NDUFAF6: variants seen among roughly 807,000 people sequenced by gnomAD.
NDUFAF6 encodes NADH:ubiquinone oxidoreductase complex assembly factor 6, also known as NADH dehydrogenase (ubiquinone) complex I, assembly factor 6.
NDUFAF6 carries 45 observed loss-of-function variants against 40.8 expected under a neutral mutation model. That is an observed-to-expected ratio of 1.10 (90% CI 0.87 to 1.42). The LOEUF (loss-of-function observed/expected upper bound fraction) is 1.42. NDUFAF6 is among the 40% of genes most tolerant of loss of function. The probability of loss-of-function intolerance (pLI) is 0.00; values close to 1 mark genes in which losing one functional copy is unlikely to be tolerated. For missense variants in NDUFAF6, 435 were observed against 418.5 expected, an observed-to-expected ratio of 1.04 and a Z score of -0.34; for synonymous variants, 185 against 155.9, an observed-to-expected ratio of 1.19 and a Z score of -1.39.
chr8:95,018,409 TATTCATTCATTC>T (rs199744511), intron 2 of NDUFAF6, among the ~76,000 whole-genome samples: 20 of 151,808 alleles, frequency 1.3e-4, no homozygotes, highest in Non-Finnish European at 2.4e-4. Flanking sequence ...CATTACCTCC[TATTCATTCATTC>T]ATTCATTCAT....
At chr8:94,976,092 G>C (rs571854600) in intron 1 of NDUFAF6, 30 of 152,040 alleles carry the variant, frequency 2.0e-4, no homozygotes, top group Non-Finnish European at 4.4e-4. Flanking sequence ...CAGCTACTCA[G>C]AGAGGCTGAG....
intron 1 of NDUFAF6, among the ~76,000 whole-genome samples, chr8:94,965,043 C>T (rs947433334): frequency 6.6e-6 from 1 of 152,176 alleles, no homozygotes; most frequent in Non-Finnish European, 1.5e-5. Flanking sequence ...GCTCTGTTCA[C>T]CTCAGTGAGC....
downstream of NDUFAF6, among the ~76,000 whole-genome samples, chr8:95,105,364 A>AT (rs5893318): frequency 1.5e-4 from 22 of 148,978 alleles, no homozygotes; most frequent in Non-Finnish European, 3.0e-4. Context: ...ATTTAGGCGC[A>AT]TTTTTTTTTT....
chr8:94,983,795 C>T (rs1586897547), intron 2 of NDUFAF6, among the ~76,000 whole-genome samples: 1 of 152,154 alleles, frequency 6.6e-6, no homozygotes, highest in Admixed American at 6.5e-5. Context: ...CCAGGGTCCA[C>T]ATCTTAATCA....
intron 1 of NDUFAF6, among the ~76,000 whole-genome samples, chr8:94,917,197 G>T (rs936673631): frequency 3.3e-5 from 5 of 151,780 alleles, no homozygotes; most frequent in East Asian, 3.9e-4. Context: ...AACGTAGAAG[G>T]TTCTATAATA....
chr8:95,084,373 A>C (rs1224902091), intron 2 of NDUFAF6, among the ~76,000 whole-genome samples: 1 of 152,188 alleles, frequency 6.6e-6, no homozygotes, highest in East Asian at 1.9e-4. Context: ...TTTAAAAAAT[A>C]AATAATTTTT....
At chr8:94,986,297 A>G (rs537807373) in intron 2 of NDUFAF6, among the ~76,000 whole-genome samples, 44 of 152,340 alleles carry the variant, frequency 2.9e-4, no homozygotes, top group Admixed American at 8.5e-4. Context: ...GCCCTGATAA[A>G]AACAACTCTA....
intron 4 of NDUFAF6, among the ~76,000 whole-genome samples, chr8:95,111,445 T>C (rs946696840): frequency 2.0e-5 from 3 of 152,246 alleles, no homozygotes; most frequent in African/African-American, 7.2e-5. Flanking sequence ...CTCTTTTTAC[T>C]TGGTGTTTAT....
chr8:94,973,479 C>T lies in NDUFAF6; in HGVS notation c.-198-7380C>T, dbSNP rs574244225. ...ATCCCAGCACTTTGGGAGGCTAAGG[C>T]GGGCAGATCACGAGGTCAGGAGATC... is the stretch of plus-strand genomic sequence containing the variant. On this transcript the variant is annotated intron_variant, in intron 1 of 9. Transcript: ENST00000396111. Among the ~76,000 whole-genome samples, 187 of 152,174 alleles carry T rather than the reference C, an allele frequency of 1.2e-3. 1 individual carries two copies. The highest frequency in any genetic ancestry group is 3.7e-3 in the African/African-American group (153 of 41,514).
chr8:95,103,528 G>A (rs1809720784), downstream of NDUFAF6: 1 of 152,158 alleles, frequency 6.6e-6, no homozygotes, highest in African/African-American at 2.4e-5. Context: ...TTATTACTGA[G>A]AAAAGTTCAT....
chr8:94,918,065 C>T (rs973226738), intron 1 of NDUFAF6, among the ~76,000 whole-genome samples: 2 of 152,118 alleles, frequency 1.3e-5, no homozygotes, highest in African/African-American at 4.8e-5. Flanking sequence ...CTAACTTGCT[C>T]TGGATTTTTG....
At chr8:94,939,788 C>A (rs2123646) in intron 1 of NDUFAF6, 2 of 1,552,594 alleles carry the variant, frequency 1.3e-6, no homozygotes, top group African/African-American at 2.7e-5. Flanking sequence ...AATAACTTAG[C>A]TTTGAATTAC....
intron 6 of NDUFAF6, among the ~76,000 whole-genome samples, chr8:95,047,520 T>C (rs555620456): frequency 8.0e-5 from 12 of 149,292 alleles, no homozygotes; most frequent in Non-Finnish European, 1.3e-4. Context: ...TTTTTTTTTT[T>C]TTTTTTTGAG....
chr8:95,080,747 A>G (rs1433068865), downstream of NDUFAF6, among the ~76,000 whole-genome samples: 2 of 151,982 alleles, frequency 1.3e-5, no homozygotes, highest in Non-Finnish European at 2.9e-5. Flanking sequence ...GGCTTAAGCA[A>G]TCCTCCCACT....
intron 9 of NDUFAF6, among the ~76,000 whole-genome samples, chr8:95,065,123 C>T (rs555638859): frequency 6.6e-6 from 1 of 152,312 alleles, no homozygotes; most frequent in East Asian, 1.9e-4. Context: ...ACAAGTGTTT[C>T]CCTGAGTTCT....
At chr8:95,003,636 C>T (rs2131648567) in intron 2 of NDUFAF6, among the ~76,000 whole-genome samples, 1 of 152,324 alleles carries the variant, frequency 6.6e-6, no homozygotes, top group South Asian at 2.1e-4. Context: ...TCACTACCAT[C>T]TTTCCATTGG....
chr8:94,899,052 A>C (rs1016910651), intron 1 of NDUFAF6, among the ~76,000 whole-genome samples: 1 of 152,184 alleles, frequency 6.6e-6, no homozygotes, highest in African/African-American at 2.4e-5. Flanking sequence ...TAAAACATAC[A>C]TAAAGGAAAA....
At chr8:94,900,762 G>A (rs181247949) in intron 1 of NDUFAF6, among the ~76,000 whole-genome samples, 1 of 152,322 alleles carries the variant, frequency 6.6e-6, no homozygotes, top group Non-Finnish European at 1.5e-5. Context: ...GAGGATAAAT[G>A]TGGAACGGAT....
At chr8:95,013,837 A>G (rs891360551) in intron 2 of NDUFAF6, among the ~76,000 whole-genome samples, 1 of 151,892 alleles carries the variant, frequency 6.6e-6, no homozygotes, top group Admixed American at 6.6e-5. Flanking sequence ...GAAATGTGAT[A>G]TTATTTGGAA....
Sources: allele counts gnomAD v4.1 joint callset (sites outside exome capture counted in the v4.1 genomes callset), GRCh38; gene constraint gnomAD v4.1.1; transcripts MANE v1.5; gene names NCBI Gene and HGNC (gene_info 2026-07-23, HGNC 2026-07-21).